The following CHMP4B variants were observed in gnomAD, a reference collection of about 807,000 sequenced individuals.
CHMP4B encodes the protein SNF7 homolog associated with Alix 1.
In CHMP4B, 1 loss-of-function variant was observed where a neutral mutation model predicts 25.1. The observed-to-expected ratio is 0.04, with a 90% CI of 0.01 to 0.19. The LOEUF (loss-of-function observed/expected upper bound fraction) is 0.19, where lower values mean the gene tolerates loss of function less well. Ranked by LOEUF, CHMP4B falls within the 10% of genes least tolerant of loss-of-function variation. CHMP4B has a pLI of 1.00. For synonymous variants in CHMP4B, 101 were observed against 115.6 expected (o/e 0.87, Z 0.81); for missense variants, 151 against 289.7 (o/e 0.52, Z 3.48).
chr20:33,831,113 T>C (rs944773184), intron 1 of CHMP4B, among the ~76,000 whole-genome samples: 3 of 143,720 alleles, frequency 2.1e-5, no homozygotes, highest in African/African-American at 2.6e-5. Flanking sequence ...TTTTTTTTTT[T>C]CCAGATAGCT....
chr20:33,837,937 GA>G (rs1979432737), intron 1 of CHMP4B, among the ~76,000 whole-genome samples: 1 of 152,312 alleles, frequency 6.6e-6, no homozygotes, highest in African/African-American at 2.4e-5. Flanking sequence ...AGAGCTCAAG[GA>G]AGACCTAGAG....
At chr20:33,832,958 T>A (rs199828776) in intron 1 of CHMP4B, among the ~76,000 whole-genome samples, 1 of 37,388 alleles carries the variant, frequency 2.7e-5, no homozygotes, top group African/African-American at 6.5e-5. Flanking sequence ...AAAAAAAAAT[T>A]TTTTTTTTTT....
Position 33,853,861 on chromosome 20 carries a change from A to G in CHMP4B, c.*301A>G, listed in dbSNP as rs1979930839. 1 of 474,206 alleles carries G rather than the reference A, an allele frequency of 2.1e-6. No homozygotes were observed. Among genetic ancestry groups the G allele is most frequent in the South Asian group, 2.2e-5 (1 of 46,292 alleles). The allele number at this position is 474,206 out of a possible 1,614,324, so 29.4% of individuals were successfully genotyped here. A position where few individuals can be genotyped will look rare whatever the true frequency, so the allele number is the denominator to read the frequency against. The stretch of plus-strand genomic sequence containing the variant: ...TGAGCTTCTGGACTACGCTGACTCC[A>G]CTGCTGAATCCTCAATGGAAAGGGT... On this transcript the variant is annotated 3_prime_UTR_variant, in exon 5 of 5. Transcript: ENST00000217402.
chr20:33,843,682 G>A (rs1979603744), intron 1 of CHMP4B, among the ~76,000 whole-genome samples: 2 of 152,200 alleles, frequency 1.3e-5, no homozygotes, highest in African/African-American at 2.4e-5. Context: ...TTTACTAAGT[G>A]TAATAGTATT....
rs1243343630 is a variant in CHMP4B, at chr20:33,854,240, A to G, written c.*680A>G. On this transcript the variant is annotated 3_prime_UTR_variant, in exon 5 of 5. Coordinates refer to ENST00000217402, the MANE Select transcript of CHMP4B (RefSeq NM_176812.5). ...AGTTCCAACTATACAGTTTTCTAACATAGCTATAAGGTCCTTGTTGCTGTT... is the reference window on the plus strand; with the variant it reads ...AGTTCCAACTATACAGTTTTCTAACGTAGCTATAAGGTCCTTGTTGCTGTT... 1 of 154,294 alleles carries G rather than the reference A, an allele frequency of 6.5e-6. No individual in the cohort carries two copies. Among genetic ancestry groups the G allele is most frequent in the Non-Finnish European group, 1.4e-5 (1 of 69,212 alleles). 9.6% of individuals were successfully genotyped at this position (154,294 alleles called of 1,614,324 possible). A position where few individuals can be genotyped will look rare whatever the true frequency, so the allele number is the denominator to read the frequency against.
intron 1 of CHMP4B, among the ~76,000 whole-genome samples, chr20:33,829,665 A>G (rs182020157): frequency 9.2e-5 from 14 of 152,358 alleles, no homozygotes; most frequent in African/African-American, 2.9e-4. Flanking sequence ...TTTTCTTTTA[A>G]TTGGCTAATA....
intron 1 of CHMP4B, among the ~76,000 whole-genome samples, chr20:33,829,847 C>T (rs1187807194): frequency 6.6e-6 from 1 of 152,184 alleles, no homozygotes; most frequent in Non-Finnish European, 1.5e-5. Flanking sequence ...TATAGAACCA[C>T]ATCTTGGTAC....
chr20:33,840,143 G>A (rs1979494753), intron 1 of CHMP4B, among the ~76,000 whole-genome samples: 1 of 152,140 alleles, frequency 6.6e-6, no homozygotes, highest in African/African-American at 2.4e-5. Flanking sequence ...CTCCTTGGGA[G>A]GCTGAGGCAG....
chr20:33,826,358 G>T (rs1979093981), intron 1 of CHMP4B, among the ~76,000 whole-genome samples: 1 of 152,116 alleles, frequency 6.6e-6, no homozygotes, highest in African/African-American at 2.4e-5. Context: ...TATGTGGGAG[G>T]GTTGAGGGGT....
At chr20:33,848,799 G>C (rs889021111) in intron 2 of CHMP4B, among the ~76,000 whole-genome samples, 155 bp downstream of exon 2, 1 of 152,220 alleles carries the variant, frequency 6.6e-6, no homozygotes, top group Non-Finnish European at 1.5e-5. Context: ...TCCGAAAATG[G>C]ATGACGTGCC....
At chr20:33,823,478 C>T (rs923805870) in intron 1 of CHMP4B, among the ~76,000 whole-genome samples, 2 of 151,982 alleles carry the variant, frequency 1.3e-5, no homozygotes, top group Admixed American at 1.3e-4. Flanking sequence ...CTCAAGTGAT[C>T]CTCCCACCTC....
Position 33,851,122 on chromosome 20 carries a change from C to T in CHMP4B, c.483+56C>T, listed in dbSNP as rs1397635039. On this transcript the variant is annotated intron_variant, in intron 3 of 4. Coordinates refer to ENST00000217402, the MANE Select transcript of CHMP4B (RefSeq NM_176812.5). ...TCACAAATGATACCCTGAGGCTGTC[C>T]CTTGATGTGCTCTTGAAGGCTCTCA... 2.7e-6 allele frequency: 3 copies of T among 1,094,670 alleles called. No individual in the cohort carries two copies. The African/African-American group carries it at 4.6e-5, about 17-fold the overall frequency. The allele number at this position is 1,094,670 out of a possible 1,614,324, so 67.8% of individuals were successfully genotyped here.
At chr20:33,830,746 T>A (rs944910371) in intron 1 of CHMP4B, among the ~76,000 whole-genome samples, 2 of 152,074 alleles carry the variant, frequency 1.3e-5, no homozygotes, top group African/African-American at 4.8e-5. Flanking sequence ...GCATATGAAT[T>A]CTGGGGGGAT....
At chr20:33,816,371 G>A (rs1978783556) in intron 1 of CHMP4B, among the ~76,000 whole-genome samples, 1 of 152,190 alleles carries the variant, frequency 6.6e-6, no homozygotes, top group South Asian at 2.1e-4. Flanking sequence ...GTGGCAAATT[G>A]TGGATATTGA....
chr20:33,816,362 T>G (rs1978783396), intron 1 of CHMP4B, among the ~76,000 whole-genome samples: 1 of 152,208 alleles, frequency 6.6e-6, no homozygotes, highest in East Asian at 1.9e-4. Context: ...TGAAAGAGTG[T>G]GGCAAATTGT....
At chr20:33,830,933 G>GTTTTTTTTGTTT (rs1555792009) in intron 1 of CHMP4B, among the ~76,000 whole-genome samples, 1 of 102,524 alleles carries the variant, frequency 9.8e-6, no homozygotes, top group African/African-American at 3.7e-5. Context: ...AAGGAACAGA[G>GTTTTTTTTGTTT]TTTTTTTTTT....
chr20:33,819,652 A>G (rs1439003719), intron 1 of CHMP4B, among the ~76,000 whole-genome samples: 1 of 152,174 alleles, frequency 6.6e-6, no homozygotes, highest in Non-Finnish European at 1.5e-5. Context: ...TGTTTAGCTC[A>G]AAAGGTCAGT....
intron 1 of CHMP4B, among the ~76,000 whole-genome samples, chr20:33,824,060 G>A (rs984837731): frequency 2.1e-4 from 32 of 152,252 alleles, no homozygotes; most frequent in African/African-American, 7.5e-4. Context: ...AATATTCCCT[G>A]TACAATATGA....
intron 1 of CHMP4B, among the ~76,000 whole-genome samples, chr20:33,823,032 C>G (rs559568455): frequency 6.6e-6 from 1 of 152,100 alleles, no homozygotes; most frequent in African/African-American, 2.4e-5. Flanking sequence ...TTGTAATCCA[C>G]CCGCCTCAGC....
Sources: gnomAD v4.1 joint callset for allele counts (sites outside exome capture counted in the v4.1 genomes callset) on GRCh38, gnomAD v4.1.1 for gene constraint, MANE v1.5 for transcripts, NCBI Gene and HGNC (gene_info 2026-07-23, HGNC 2026-07-21) for gene names.